The following GPC5 variants were observed in gnomAD, a reference collection of about 807,000 sequenced individuals.
GPC5 encodes glypican 5.
GPC5 carries 47 observed loss-of-function variants against 53.9 expected under a neutral mutation model. The ratio of observed to expected loss-of-function variants is 0.87; its 90% CI spans 0.69 to 1.11. The LOEUF (loss-of-function observed/expected upper bound fraction) is 1.11, where lower values mean the gene tolerates loss of function less well. Ranked by LOEUF, GPC5 falls within the 50% of genes most tolerant of loss-of-function variation. GPC5 has a pLI of 0.00. For synonymous variants in GPC5, 286 were observed against 263.3 expected, an observed-to-expected ratio of 1.09 and a Z score of -0.84; for missense variants, 748 against 713.1, an observed-to-expected ratio of 1.05 and a Z score of -0.56.
chr13:92,422,488 T>TCACA (rs6145177), intron 7 of GPC5, among the ~76,000 whole-genome samples: 4,183 of 133,240 alleles, frequency 0.031, 77 homozygotes, highest in South Asian at 0.06. Flanking sequence ...CATCACCATC[T>TCACA]CACACACACA....
intron 7 of GPC5, among the ~76,000 whole-genome samples, chr13:92,370,530 G>GA (rs200732490): frequency 9.5e-4 from 91 of 95,504 alleles, no homozygotes; most frequent in South Asian, 6.8e-3. Flanking sequence ...CAAAGAAACA[G>GA]AAAAAAAAAA....
chr13:91,508,457 G>A lies in GPC5; in HGVS notation c.325+59535G>A, dbSNP rs555346354. Among the ~76,000 whole-genome samples the A allele has an allele frequency of 8.5e-5, 13 of 152,300 alleles. No homozygotes were observed. In the South Asian group the frequency reaches 2.7e-3, roughly 32 times the overall value. ...TGTACTGGAAATTATGCCATGTGAA[G>A]ACTGGCTGAAGTAGGGGTATTTAGT... On this transcript the variant is annotated intron_variant, in intron 2 of 7. Transcript: ENST00000377067.
intron 7 of GPC5, among the ~76,000 whole-genome samples, chr13:92,826,114 C>T (rs1441788188): frequency 6.6e-6 from 1 of 151,976 alleles, no homozygotes. Context: ...TGAATATGGG[C>T]AAGGCTTGTG....
intron 6 of GPC5, among the ~76,000 whole-genome samples, chr13:92,020,150 C>A (rs538941506): frequency 6.6e-6 from 1 of 152,156 alleles, no homozygotes; most frequent in South Asian, 2.1e-4. Context: ...AGTCCTATTT[C>A]TTTCTTTGAC....
chr13:92,668,316 T>C (rs1040563170), intron 7 of GPC5, among the ~76,000 whole-genome samples: 1 of 152,286 alleles, frequency 6.6e-6, no homozygotes, highest in East Asian at 1.9e-4. Flanking sequence ...TTTATATTTA[T>C]GCATAACAGA....
intron 7 of GPC5, among the ~76,000 whole-genome samples, chr13:92,671,745 A>G (rs1886758292): frequency 2.0e-5 from 3 of 152,160 alleles, no homozygotes; most frequent in Admixed American, 2.0e-4. Flanking sequence ...CTGTGAGACA[A>G]CAAAAATGGG....
chr13:91,728,803 A>T (rs1346959848), intron 4 of GPC5, 138 bp downstream of exon 4: 1 of 913,334 alleles, frequency 1.1e-6, no homozygotes, highest in East Asian at 3.0e-5. Context: ...ATTAACTTTA[A>T]AAATCAGTGG....
At chr13:92,434,353 G>C (rs1325084658) in intron 7 of GPC5, among the ~76,000 whole-genome samples, 1 of 152,072 alleles carries the variant, frequency 6.6e-6, no homozygotes, top group Non-Finnish European at 1.5e-5. Context: ...AGCAGAGGAA[G>C]TAATAATGAA....
At chr13:92,724,676 G>A (rs1030156060) in intron 7 of GPC5, among the ~76,000 whole-genome samples, 1 of 151,530 alleles carries the variant, frequency 6.6e-6, no homozygotes, top group African/African-American at 2.4e-5. Context: ...CAAACTCATA[G>A]AAGCAGAAAA....
chr13:91,982,349 A>T (rs1419775032), intron 6 of GPC5, among the ~76,000 whole-genome samples: 1 of 152,238 alleles, frequency 6.6e-6, no homozygotes, highest in African/African-American at 2.4e-5. Context: ...ATAGCAAAAG[A>T]CTATTAAAAC....
intron 7 of GPC5, among the ~76,000 whole-genome samples, chr13:92,545,420 T>C (rs1882074713): frequency 6.6e-6 from 1 of 152,200 alleles, no homozygotes; most frequent in Non-Finnish European, 1.5e-5. Context: ...TTTATAATCC[T>C]TTGGGTATAT....
intron 7 of GPC5, among the ~76,000 whole-genome samples, chr13:92,193,088 T>C (rs2042234446): frequency 6.6e-6 from 1 of 152,080 alleles, no homozygotes; most frequent in Non-Finnish European, 1.5e-5. Context: ...AGCAGGAGAA[T>C]TGCTTAAACC....
At chr13:92,106,464 C>T (rs993280317) in intron 6 of GPC5, among the ~76,000 whole-genome samples, 18 of 151,968 alleles carry the variant, frequency 1.2e-4, no homozygotes, top group African/African-American at 3.9e-4. Flanking sequence ...ACTTGATAAG[C>T]CTTAAAAATT....
intron 7 of GPC5, among the ~76,000 whole-genome samples, chr13:92,756,568 A>G (rs902919305): frequency 1.3e-5 from 2 of 151,534 alleles, no homozygotes; most frequent in African/African-American, 4.9e-5. Flanking sequence ...ACATGATTGT[A>G]TATCTAGAAA....
chr13:92,412,897 A>C (rs553371396), intron 7 of GPC5, among the ~76,000 whole-genome samples: 1 of 152,316 alleles, frequency 6.6e-6, no homozygotes, highest in South Asian at 2.1e-4. Flanking sequence ...ACATGGAGGC[A>C]GTTGCTGGTA....
rs571749719 is a variant in GPC5 at position 92,445,389 on chromosome 13, TG to T, written c.1561+300401del. On this transcript the variant is annotated intron_variant, in intron 7 of 7. Coordinates refer to ENST00000377067, the MANE Select transcript of GPC5 (RefSeq NM_004466.6). The stretch of plus-strand genomic sequence containing the variant: ...TGCAGGTTAGTTACATATGTATACA[TG>T]TGCCATGCTGGTGTGCTGCACCCAT... Among the ~76,000 whole-genome samples, 1,080 of 151,590 alleles carry T rather than the reference TG, an allele frequency of 7.1e-3. 7 individuals are homozygous for T. The highest frequency in any genetic ancestry group is 0.012 in the Non-Finnish European group (827 of 67,900).
chr13:92,800,487 T>C (rs1362626194), intron 7 of GPC5, among the ~76,000 whole-genome samples: 3 of 151,908 alleles, frequency 2.0e-5, no homozygotes, highest in Non-Finnish European at 2.9e-5. Flanking sequence ...AAGTGTTGCA[T>C]GTTGTGGTAA....
intron 7 of GPC5, among the ~76,000 whole-genome samples, chr13:92,648,795 G>A (rs2139162385): frequency 6.6e-6 from 1 of 152,188 alleles, no homozygotes; most frequent in East Asian, 1.9e-4. Flanking sequence ...TGAATGAAGG[G>A]AGGATCAAAC....
At chr13:92,544,297 C>T (rs1184290999) in intron 7 of GPC5, among the ~76,000 whole-genome samples, 1 of 152,052 alleles carries the variant, frequency 6.6e-6, no homozygotes, top group Non-Finnish European at 1.5e-5. Flanking sequence ...CATCCCAGAC[C>T]CATAGAGACT....
Sources: allele counts gnomAD v4.1 joint callset (sites outside exome capture counted in the v4.1 genomes callset), GRCh38; gene constraint gnomAD v4.1.1; transcripts MANE v1.5; gene names NCBI Gene and HGNC (gene_info 2026-07-23, HGNC 2026-07-21).